Variants in PEX13 observed in about 807,000 individuals in gnomAD.
PEX13 encodes the protein peroxisome biogenesis factor 13.
PEX13 carries 28 observed loss-of-function variants against 34.5 expected under a neutral mutation model. The observed-to-expected ratio is 0.81, with a 90% confidence interval of 0.60 to 1.11. The LOEUF is 1.11. PEX13 is among the 50% of genes most tolerant of loss of function. The pLI, the probability that PEX13 is intolerant of heterozygous loss-of-function variation, is 0.00. For missense variants in PEX13, 550 were observed against 491.0 expected (o/e 1.12, Z -1.13); for synonymous variants, 177 against 175.1 (o/e 1.01, Z -0.09).
In PEX13 at chr2:61,048,878, A is replaced by G; in HGVS notation, c.*108A>G. ...CCAATGAAAACATTTGTTATTGGCT[A>G]TTTCAGGTGTTTTGCTGCTAGAAAT... On this transcript the variant is annotated 3_prime_UTR_variant, in exon 4 of 4. Transcript: ENST00000295030. 1 of 948,750 alleles carries G rather than the reference A, an allele frequency of 1.1e-6. No individual in the cohort carries two copies. Among genetic ancestry groups the G allele is most frequent in the Non-Finnish European group, 1.6e-6 (1 of 611,310 alleles). 58.8% of individuals were successfully genotyped at this position (948,750 alleles called of 1,614,324 possible).
intron 2 of PEX13, among the ~76,000 whole-genome samples, chr2:61,034,146 G>A (rs1188929665): frequency 1.1e-4 from 17 of 152,012 alleles, no homozygotes; most frequent in African/African-American, 3.9e-4. Context: ...ACAGGTGTAG[G>A]CCACCACACC....
intron 2 of PEX13, among the ~76,000 whole-genome samples, chr2:61,038,147 C>T (rs1428837354): frequency 1.3e-5 from 2 of 152,168 alleles, no homozygotes; most frequent in African/African-American, 4.8e-5. Flanking sequence ...CAGGACCAGA[C>T]AGATTCACAG....
At chr2:61,034,995 A>G (rs984098901) in intron 2 of PEX13, among the ~76,000 whole-genome samples, 2 of 152,246 alleles carry the variant, frequency 1.3e-5, no homozygotes, top group Non-Finnish European at 2.9e-5. Context: ...GCGAGCTCCA[A>G]GAATGCAGAC....
intron 1 of PEX13, among the ~76,000 whole-genome samples, chr2:61,020,046 AC>A (rs1342844786): frequency 6.6e-6 from 1 of 152,074 alleles, no homozygotes; most frequent in East Asian, 1.9e-4. Context: ...ACTCGGAGAA[AC>A]CCCGTCTCTA....
At chr2:61,034,055 G>A (rs544096977) in intron 2 of PEX13, among the ~76,000 whole-genome samples, 4 of 152,154 alleles carry the variant, frequency 2.6e-5, no homozygotes, top group East Asian at 1.9e-4. Context: ...GGAGTGCAGT[G>A]GCGCGATCTC....
intron 1 of PEX13, chr2:61,018,357 TCAGC>T: frequency 6.7e-7 from 1 of 1,496,588 alleles, no homozygotes. Context: ...CCAGCATAAC[TCAGC>T]CAGTGTTTCG....
intron 2 of PEX13, among the ~76,000 whole-genome samples, chr2:61,045,126 T>G (rs1206921919): frequency 6.6e-6 from 1 of 152,204 alleles, no homozygotes; most frequent in Non-Finnish European, 1.5e-5. Context: ...TATGCTCAAT[T>G]AAAACCACAT....
intron 1 of PEX13, among the ~76,000 whole-genome samples, chr2:61,026,951 CCTCT>C (rs942039481): frequency 2.6e-5 from 4 of 151,812 alleles, no homozygotes; most frequent in African/African-American, 4.8e-5. Flanking sequence ...TCCATGTTCC[CCTCT>C]CTCTATCTAA....
intron 1 of PEX13, chr2:61,018,086 G>T: frequency 4.6e-6 from 7 of 1,522,660 alleles, no homozygotes; most frequent in Non-Finnish European, 6.2e-6. Context: ...GAGCTCCTGG[G>T]CGTCTCTCTG....
chr2:61,042,910 T>C (rs1057382358), intron 2 of PEX13, among the ~76,000 whole-genome samples: 3 of 152,226 alleles, frequency 2.0e-5, no homozygotes, highest in Non-Finnish European at 4.4e-5. Flanking sequence ...TTTCCTTGGC[T>C]CATCATGACC....
At chr2:61,045,633 G>T (rs1573560561) in intron 2 of PEX13, 93 bp from the exon 3 acceptor site, 3 of 1,141,496 alleles carry the variant, frequency 2.6e-6, no homozygotes, top group Middle Eastern at 2.3e-4. Context: ...CTTTTCTCTT[G>T]GCAAATTTAT....
At chr2:61,035,692 C>A (rs1304537645) in intron 2 of PEX13, among the ~76,000 whole-genome samples, 2 of 152,014 alleles carry the variant, frequency 1.3e-5, no homozygotes, top group African/African-American at 4.8e-5. Context: ...GCTTCAATAG[C>A]TGATTCAATG....
At chr2:61,043,502 G>A (rs531982159) in intron 2 of PEX13, among the ~76,000 whole-genome samples, 3 of 152,130 alleles carry the variant, frequency 2.0e-5, no homozygotes, top group South Asian at 2.1e-4. Context: ...CACTGATTCC[G>A]TACAACCTGA....
intron 1 of PEX13, chr2:61,019,025 A>G (rs1412849598): frequency 1.3e-5 from 2 of 152,340 alleles, no homozygotes; most frequent in African/African-American, 4.8e-5. Flanking sequence ...AACATTTGCC[A>G]GACTTATGTC....
intron 2 of PEX13, among the ~76,000 whole-genome samples, chr2:61,038,838 G>C (rs1050503193): frequency 6.6e-6 from 1 of 152,128 alleles, no homozygotes; most frequent in Non-Finnish European, 1.5e-5. Context: ...AGATGACATG[G>C]TTGTATATTT....
In PEX13 at chr2:61,049,935, T is replaced by G. The variant is rs1323909312; in HGVS notation, c.*1165T>G. 1 of 152,266 alleles carries G rather than the reference T, an allele frequency of 6.6e-6. No individual in the cohort carries two copies. The highest frequency in any genetic ancestry group is 1.5e-5 in the Non-Finnish European group (1 of 68,024). 9.4% of individuals were successfully genotyped at this position (152,266 alleles called of 1,614,324 possible). On this transcript the variant is annotated 3_prime_UTR_variant, in exon 4 of 4. Transcript: ENST00000295030. The stretch of plus-strand genomic sequence containing the variant: ...TCAGTTATAATAGTAATTTTTAATA[T>G]TTTCATAGATTGTTTGCTTCTACCT...
rs1428133098 is a variant in PEX13, at chr2:61,048,961, CATT to C, written c.*195_*197del. The C allele has an allele frequency of 1.4e-5, 8 of 588,546 alleles. No individual in the cohort carries two copies. In the African/African-American group the frequency reaches 1.5e-4, roughly 11 times the overall value. 36.5% of individuals were successfully genotyped at this position (588,546 alleles called of 1,614,324 possible). Reference sequence around the variant, plus strand: ...TGACCTGGTTACATTTTATTATACACATTATTGGACCATAAGGACATTTGTTTC... The same window carrying C: ...TGACCTGGTTACATTTTATTATACACATTGGACCATAAGGACATTTGTTTC... On this transcript the variant is annotated 3_prime_UTR_variant, in exon 4 of 4. Transcript: ENST00000295030.
chr2:61,039,993 T>C, intron 2 of PEX13, among the ~76,000 whole-genome samples: 1 of 152,180 alleles, frequency 6.6e-6, no homozygotes. Context: ...GAAAAAATGC[T>C]CATCATCACT....
intron 2 of PEX13, among the ~76,000 whole-genome samples, chr2:61,038,022 C>G (rs1301060034): frequency 6.6e-6 from 1 of 152,118 alleles, no homozygotes; most frequent in Non-Finnish European, 1.5e-5. Context: ...GGGTAAATTC[C>G]TGGACACATA....
Sources: allele counts gnomAD v4.1 joint callset (sites outside exome capture counted in the v4.1 genomes callset), GRCh38; gene constraint gnomAD v4.1.1; transcripts MANE v1.5; gene names NCBI Gene and HGNC (gene_info 2026-07-23, HGNC 2026-07-21).